The following XRRA1 variants were observed in gnomAD, a reference collection of about 807,000 sequenced individuals.
XRRA1 encodes X-ray radiation resistance-associated protein 1.
XRRA1 carries 69 observed loss-of-function variants against 80.2 expected under a neutral mutation model. That is an observed-to-expected ratio of 0.86 (90% CI 0.71 to 1.05). The LOEUF is 1.05. Among genes scored for constraint, XRRA1 ranks in the 50% least tolerant of loss-of-function variants. The pLI is 0.00. For synonymous variants in XRRA1, 348 were observed against 389.9 expected, an observed-to-expected ratio of 0.89 and a Z score of 1.27; for missense variants, 967 against 976.4, an observed-to-expected ratio of 0.99 and a Z score of 0.13.
chr11:74,912,413 T>C (rs994894142), intron 8 of XRRA1, among the ~76,000 whole-genome samples: 1 of 152,206 alleles, frequency 6.6e-6, no homozygotes, highest in Non-Finnish European at 1.5e-5. Flanking sequence ...CAGAAGTGGC[T>C]GAGAGGCTGA....
chr11:74,943,203 G>A (rs1334338916), intron 2 of XRRA1, among the ~76,000 whole-genome samples: 1 of 152,210 alleles, frequency 6.6e-6, no homozygotes, highest in Admixed American at 6.5e-5. Flanking sequence ...GGGTGTGTGT[G>A]TGCCCATGCA....
intron 10 of XRRA1, among the ~76,000 whole-genome samples, chr11:74,891,170 C>A (rs2050590566): frequency 6.6e-6 from 1 of 152,122 alleles, no homozygotes; most frequent in African/African-American, 2.4e-5. Context: ...TACTGGCAAA[C>A]CGAATCCAGC....
At chr11:74,921,418 G>C in intron 7 of XRRA1, 71 bp from the exon 8 acceptor site, 1 of 1,585,224 alleles carries the variant, frequency 6.3e-7, no homozygotes, top group Non-Finnish European at 8.6e-7. Context: ...TATGATGTGG[G>C]AGCTACTTTC....
At chr11:74,897,583 A>G (rs968463096) in intron 10 of XRRA1, among the ~76,000 whole-genome samples, 10 of 152,046 alleles carry the variant, frequency 6.6e-5, no homozygotes, top group Non-Finnish European at 1.3e-4. Context: ...CCAAAGGTCA[A>G]GGATCCTAAA....
chr11:74,898,697 G>A (rs2052941002), intron 10 of XRRA1, among the ~76,000 whole-genome samples: 1 of 151,856 alleles, frequency 6.6e-6, no homozygotes, highest in South Asian at 2.1e-4. Flanking sequence ...ATGATAAAGG[G>A]GTCAATTCAG....
At chr11:74,938,140 C>G (rs1288445158) in intron 3 of XRRA1, among the ~76,000 whole-genome samples, 3 of 152,220 alleles carry the variant, frequency 2.0e-5, no homozygotes, top group African/African-American at 7.2e-5. Context: ...CTTTGTGCCT[C>G]TAACCACTGG....
At chr11:74,851,286 G>T in intron 13 of XRRA1, 83 bp from the exon 14 acceptor site, 1 of 1,010,542 alleles carries the variant, frequency 9.9e-7, no homozygotes, top group Non-Finnish European at 1.4e-6. Context: ...TATTCAAATT[G>T]CTTTACATGT....
At chr11:74,896,405 G>T (rs1392144289) in intron 10 of XRRA1, among the ~76,000 whole-genome samples, 1 of 152,222 alleles carries the variant, frequency 6.6e-6, no homozygotes, top group Non-Finnish European at 1.5e-5. Flanking sequence ...CCCATGAACT[G>T]GTGGTGGTAG....
intron 3 of XRRA1, among the ~76,000 whole-genome samples, chr11:74,939,053 T>C (rs1363718753): frequency 6.6e-6 from 1 of 152,216 alleles, no homozygotes; most frequent in Admixed American, 6.5e-5. Context: ...GTTGGAATTC[T>C]ACTATAAGAA....
At chr11:74,941,510 G>C (rs1237176261) in intron 2 of XRRA1, among the ~76,000 whole-genome samples, 1 of 152,178 alleles carries the variant, frequency 6.6e-6, no homozygotes. Context: ...ACCCAAGAAG[G>C]AGAGGGATGT....
At chr11:74,897,467 C>T (rs1376834877) in intron 10 of XRRA1, among the ~76,000 whole-genome samples, 2 of 151,950 alleles carry the variant, frequency 1.3e-5, no homozygotes, top group African/African-American at 4.8e-5. Context: ...TATCAGAGAA[C>T]TTCCCAAACC....
chr11:74,887,417 C>A (rs1422244417), intron 10 of XRRA1, among the ~76,000 whole-genome samples: 1 of 152,024 alleles, frequency 6.6e-6, no homozygotes, highest in Non-Finnish European at 1.5e-5. Context: ...TGAACAGATA[C>A]TTTTCAAAAG....
chr11:74,900,814 TAAA>T (rs1347525752), intron 10 of XRRA1, among the ~76,000 whole-genome samples: 1 of 152,132 alleles, frequency 6.6e-6, no homozygotes, highest in Non-Finnish European at 1.5e-5. Flanking sequence ...CTCAACATAT[TAAA>T]AGCTATATAT....
Position 74,859,846 on chromosome 11 carries a change from G to A in XRRA1, c.1045-563C>T, listed in dbSNP as rs1160443105. On this transcript the variant is annotated intron_variant, in intron 11 of 18. Transcript: ENST00000684022. ...TTCAACCTGCCCGTGGGAGCTGAAT[G>A]TGGCATGCTGCAGCTGGATCCCTTG... Among the ~76,000 whole-genome samples the A allele has an allele frequency of 2.6e-5, 4 of 152,082 alleles. No homozygotes were observed. The East Asian group carries it at 5.8e-4, about 22-fold the overall frequency.
intron 10 of XRRA1, among the ~76,000 whole-genome samples, chr11:74,883,280 GC>G (rs1175106479): frequency 6.6e-6 from 1 of 152,200 alleles, no homozygotes; most frequent in African/African-American, 2.4e-5. Context: ...TTTTCCAGGT[GC>G]CGTCCGTCAC....
intron 10 of XRRA1, among the ~76,000 whole-genome samples, chr11:74,875,537 T>G (rs554848085): frequency 2.0e-5 from 3 of 152,242 alleles, no homozygotes; most frequent in African/African-American, 7.2e-5. Flanking sequence ...AGGAGAGAAC[T>G]TAATAACAGT....
intron 10 of XRRA1, among the ~76,000 whole-genome samples, chr11:74,867,797 A>G (rs1432574843): frequency 6.6e-6 from 1 of 152,122 alleles, no homozygotes; most frequent in Non-Finnish European, 1.5e-5. Flanking sequence ...GGTCAAAATG[A>G]TAGAAATGTT....
intron 8 of XRRA1, among the ~76,000 whole-genome samples, chr11:74,914,308 C>CAT (rs35521344): frequency 0.44 from 66,841 of 152,008 alleles, 15,173 homozygotes; most frequent in Middle Eastern, 0.53. Flanking sequence ...TTAGAAGTGA[C>CAT]ATAAAATATT....
At chr11:74,844,582 G>T (rs1369552105) in intron 16 of XRRA1, among the ~76,000 whole-genome samples, 1 of 152,208 alleles carries the variant, frequency 6.6e-6, no homozygotes, top group Non-Finnish European at 1.5e-5. Flanking sequence ...ACCTCAGGGG[G>T]TTATATCGCA....
Sources: gnomAD v4.1 joint callset for allele counts (sites outside exome capture counted in the v4.1 genomes callset) on GRCh38, gnomAD v4.1.1 for gene constraint, MANE v1.5 for transcripts, NCBI Gene and HGNC (gene_info 2026-07-23, HGNC 2026-07-21) for gene names.